The following VTI1A variants were observed in gnomAD, a reference collection of about 807,000 sequenced individuals.
VTI1A encodes vesicle transport through interaction with t-SNAREs 1A.
Under a neutral mutation model 34.9 loss-of-function variants are expected in VTI1A, and 22 were observed. The observed-to-expected ratio is 0.63, with a 90% CI of 0.45 to 0.90. VTI1A has a LOEUF of 0.90. VTI1A is among the 40% of genes least tolerant of loss of function. The pLI, the probability that VTI1A is intolerant of heterozygous loss-of-function variation, is 0.00. For missense variants in VTI1A, 268 were observed against 275.6 expected, an observed-to-expected ratio of 0.97 and a Z score of 0.20; for synonymous variants, 87 against 97.3, an observed-to-expected ratio of 0.89 and a Z score of 0.62.
chr10:112,789,969 G>T (rs1327507141), intron 7 of VTI1A, among the ~76,000 whole-genome samples: 6 of 147,522 alleles, frequency 4.1e-5, no homozygotes, highest in African/African-American at 7.5e-5. Context: ...TTTTTTTGGT[G>T]GTTGTTATCA....
chr10:112,779,253 T>C (rs1852042937), intron 7 of VTI1A, among the ~76,000 whole-genome samples: 1 of 152,172 alleles, frequency 6.6e-6, no homozygotes, highest in African/African-American at 2.4e-5. Context: ...GGAATAAACA[T>C]GGGGATAAGC....
intron 7 of VTI1A, among the ~76,000 whole-genome samples, chr10:112,693,621 A>G (rs542761360): frequency 5.9e-5 from 9 of 152,364 alleles, no homozygotes; most frequent in African/African-American, 1.9e-4. Flanking sequence ...TTCACCATGT[A>G]AAATGTAAAG....
chr10:112,677,339 A>G (rs1180928330), intron 7 of VTI1A, among the ~76,000 whole-genome samples: 1 of 152,190 alleles, frequency 6.6e-6, no homozygotes, highest in Non-Finnish European at 1.5e-5. Context: ...CCAGCCAGAA[A>G]TGATGCATCT....
chr10:112,461,820 C>T (rs889187769), intron 2 of VTI1A, among the ~76,000 whole-genome samples: 1 of 152,188 alleles, frequency 6.6e-6, no homozygotes, highest in Non-Finnish European at 1.5e-5. Context: ...TGGGCTCAAG[C>T]GATTCTCATG....
At chr10:112,564,897 CT>C (rs36102005) in intron 5 of VTI1A, among the ~76,000 whole-genome samples, 5 of 151,902 alleles carry the variant, frequency 3.3e-5, no homozygotes, top group Admixed American at 2.0e-4. Context: ...GTTTTCTTTC[CT>C]TTTTTAGGAG....
At chr10:112,850,839 G>A in the VTI1A span, among the ~76,000 whole-genome samples, 2 of 152,138 alleles carry the variant, frequency 1.3e-5, no homozygotes, top group Non-Finnish European at 2.9e-5. Flanking sequence ...CTGTGCAGGT[G>A]GCATGTCCAT....
At chr10:112,670,103 C>CA (rs1847795990) in intron 7 of VTI1A, among the ~76,000 whole-genome samples, 1 of 152,016 alleles carries the variant, frequency 6.6e-6, no homozygotes, top group Non-Finnish European at 1.5e-5. Context: ...AAGAAAAACT[C>CA]AGAATTCAGA....
intron 3 of VTI1A, among the ~76,000 whole-genome samples, chr10:112,480,316 TG>T: frequency 6.6e-6 from 1 of 152,350 alleles, no homozygotes; most frequent in South Asian, 2.1e-4. Flanking sequence ...TTAATTTTGG[TG>T]GTTCTTAACA....
chr10:112,517,056 G>C (rs181047106), intron 3 of VTI1A, among the ~76,000 whole-genome samples: 4 of 152,176 alleles, frequency 2.6e-5, no homozygotes, highest in Non-Finnish European at 4.4e-5. Flanking sequence ...ACTCAGATGA[G>C]TGAGAAGTGG....
chr10:112,771,059 T>C (rs1450031604), intron 7 of VTI1A, among the ~76,000 whole-genome samples: 2 of 152,062 alleles, frequency 1.3e-5, no homozygotes, highest in African/African-American at 2.4e-5. Context: ...AAGGAGAGGA[T>C]GGCTTGCATG....
At chr10:112,642,566 A>G (rs1846613484) in intron 5 of VTI1A, among the ~76,000 whole-genome samples, 1 of 69,120 alleles carries the variant, frequency 1.4e-5, no homozygotes, top group Non-Finnish European at 4.4e-5. Context: ...AGCATTCAGT[A>G]TATCAGCACA....
intron 5 of VTI1A, among the ~76,000 whole-genome samples, chr10:112,638,645 C>T (rs557103107): frequency 3.3e-5 from 5 of 151,818 alleles, no homozygotes; most frequent in Non-Finnish European, 7.4e-5. Flanking sequence ...AAATATTTAA[C>T]TTTATTGTCA....
At chr10:112,615,073 A>C (rs563739297) in intron 5 of VTI1A, among the ~76,000 whole-genome samples, 1 of 152,312 alleles carries the variant, frequency 6.6e-6, no homozygotes, top group East Asian at 1.9e-4. Context: ...AGCTGAAAAA[A>C]AACCTAAAAA....
At chr10:112,472,312 A>G (rs1042121337) in intron 3 of VTI1A, among the ~76,000 whole-genome samples, 2 of 152,196 alleles carry the variant, frequency 1.3e-5, no homozygotes, top group Non-Finnish European at 2.9e-5. Context: ...AGCTGTCTAC[A>G]TCAGAGAATG....
In VTI1A at chr10:112,583,030, T is replaced by G. The variant is rs1463948404; in HGVS notation, c.427+44700T>G. ...ATACTAGAGCAGTTCTGTAAACTCT[T>G]CCCAAATCGTTTAAGTGGTTTCATG... On this transcript the variant is annotated intron_variant, in intron 5 of 7. Coordinates refer to ENST00000393077, the MANE Select transcript of VTI1A (RefSeq NM_145206.4). 2.0e-5 allele frequency among the ~76,000 whole-genome samples: 3 copies of G among 152,182 alleles called. No individual in the cohort carries two copies. The East Asian group carries it at 5.8e-4, about 29-fold the overall frequency.
intron 7 of VTI1A, among the ~76,000 whole-genome samples, chr10:112,685,660 TG>T (rs1169872063): frequency 7.5e-6 from 1 of 133,086 alleles, no homozygotes; most frequent in Non-Finnish European, 1.7e-5. Context: ...AGGATGTTGT[TG>T]TTTTTTTCCC....
intron 3 of VTI1A, among the ~76,000 whole-genome samples, chr10:112,511,485 G>A (rs1226570920): frequency 6.6e-6 from 1 of 151,950 alleles, no homozygotes; most frequent in Non-Finnish European, 1.5e-5. Flanking sequence ...CTCATGATCT[G>A]CCCACCTCGG....
At chr10:112,652,050 G>A (rs546820682) in intron 5 of VTI1A, among the ~76,000 whole-genome samples, 29 of 152,258 alleles carry the variant, frequency 1.9e-4, no homozygotes, top group Admixed American at 1.9e-3. Context: ...CTATAGTGAT[G>A]GAGATTTCTT....
intron 7 of VTI1A, among the ~76,000 whole-genome samples, chr10:112,718,963 G>C (rs1374262661): frequency 6.6e-6 from 1 of 152,176 alleles, no homozygotes; most frequent in Non-Finnish European, 1.5e-5. Flanking sequence ...ATGAGAATTT[G>C]TGTCTGCTTT....
Sources: allele counts gnomAD v4.1 joint callset (sites outside exome capture counted in the v4.1 genomes callset), GRCh38; gene constraint gnomAD v4.1.1; transcripts MANE v1.5; gene names NCBI Gene and HGNC (gene_info 2026-07-23, HGNC 2026-07-21).